The following RGS7 variants were observed in gnomAD, a reference collection of about 807,000 sequenced individuals.
RGS7 encodes regulator of G-protein signaling 7.
RGS7 carries 27 observed loss-of-function variants against 81.1 expected under a neutral mutation model. The ratio of observed to expected loss-of-function variants is 0.33; its 90% CI spans 0.25 to 0.46. The LOEUF (loss-of-function observed/expected upper bound fraction) is 0.46, where lower values mean the gene tolerates loss of function less well. Ranked by LOEUF, RGS7 falls within the 20% of genes least tolerant of loss-of-function variation. The pLI, the probability that RGS7 is intolerant of heterozygous loss-of-function variation, is 1.00. For missense variants in RGS7, 396 were observed against 607.4 expected (o/e 0.65, Z 3.66); for synonymous variants, 208 against 207.7 (o/e 1.00, Z -0.01).
At chr1:241,297,624 G>A (rs914356390) in intron 2 of RGS7, among the ~76,000 whole-genome samples, 1 of 152,122 alleles carries the variant, frequency 6.6e-6, no homozygotes, top group African/African-American at 2.4e-5. Context: ...GCCAATGCTC[G>A]GAAGAATGAC....
intron 3 of RGS7, among the ~76,000 whole-genome samples, chr1:241,025,169 A>G (rs188858996): frequency 1.3e-5 from 2 of 152,330 alleles, no homozygotes; most frequent in East Asian, 3.9e-4. Flanking sequence ...AGTGCAAACA[A>G]GGAGTTGAGG....
At chr1:241,285,571 A>G (rs987567378) in intron 2 of RGS7, among the ~76,000 whole-genome samples, 2 of 152,160 alleles carry the variant, frequency 1.3e-5, no homozygotes, top group African/African-American at 2.4e-5. Context: ...TAAGGTCTCA[A>G]TTTTACATTT....
chr1:241,328,077 T>A (rs2081725335), intron 2 of RGS7, among the ~76,000 whole-genome samples: 1 of 152,210 alleles, frequency 6.6e-6, no homozygotes, highest in South Asian at 2.1e-4. Context: ...TTTGGAAAAT[T>A]TTTATGAAGT....
intron 2 of RGS7, among the ~76,000 whole-genome samples, chr1:241,269,643 C>A (rs1224849666): frequency 2.0e-5 from 3 of 152,046 alleles, no homozygotes; most frequent in Non-Finnish European, 4.4e-5. Context: ...AAGAAGGAGA[C>A]AAATTGAAAA....
chr1:241,138,330 G>A (rs896142036), intron 2 of RGS7, among the ~76,000 whole-genome samples: 1 of 152,086 alleles, frequency 6.6e-6, no homozygotes, highest in Admixed American at 6.6e-5. Context: ...AAATTGTGGG[G>A]GGATCTTCAG....
intron 6 of RGS7, among the ~76,000 whole-genome samples, chr1:240,907,142 C>T (rs1412771768): frequency 6.6e-6 from 1 of 152,108 alleles, no homozygotes; most frequent in Admixed American, 6.5e-5. Context: ...CTCTGACATT[C>T]CATGACTAAA....
At chr1:240,784,563 G>C (rs1684731688) in intron 18 of RGS7, among the ~76,000 whole-genome samples, 1 of 150,520 alleles carries the variant, frequency 6.6e-6, no homozygotes, top group Admixed American at 6.6e-5. Context: ...GGAGAATGGC[G>C]TGAACCCGGG....
At chr1:241,073,149 T>G (rs969047169) in intron 3 of RGS7, among the ~76,000 whole-genome samples, 2 of 152,224 alleles carry the variant, frequency 1.3e-5, no homozygotes, top group Non-Finnish European at 2.9e-5. Flanking sequence ...ATTACTGCTC[T>G]TCCATCACTT....
chr1:241,331,398 T>C (rs1484256174), intron 2 of RGS7, among the ~76,000 whole-genome samples: 1 of 152,244 alleles, frequency 6.6e-6, no homozygotes, highest in Non-Finnish European at 1.5e-5. Flanking sequence ...AGCTTTGGCA[T>C]GTTCCTTAAC....
chr1:240,811,172 C>T (rs1357981736), intron 14 of RGS7, among the ~76,000 whole-genome samples: 2 of 152,182 alleles, frequency 1.3e-5, no homozygotes, highest in Non-Finnish European at 2.9e-5. Flanking sequence ...AATTGGGCAT[C>T]AGCTTTCAAA....
chr1:241,138,189 A>C (rs1412029703), intron 2 of RGS7, among the ~76,000 whole-genome samples: 1 of 151,924 alleles, frequency 6.6e-6, no homozygotes, highest in Non-Finnish European at 1.5e-5. Context: ...AAAAAAAAAA[A>C]AAAAAGAGGA....
At chr1:241,098,561 T>C (rs2064466410) in intron 3 of RGS7, 105 bp downstream of exon 3, 8 of 779,694 alleles carry the variant, frequency 1.0e-5, no homozygotes, top group Non-Finnish European at 1.8e-5. Context: ...AGTTACTGAA[T>C]AATGGATTAG....
intron 3 of RGS7, among the ~76,000 whole-genome samples, chr1:241,094,281 TCA>T (rs2064100248): frequency 9.2e-6 from 1 of 108,834 alleles, no homozygotes; most frequent in African/African-American, 3.9e-5. Context: ...ACACACAGAG[TCA>T]CACACACACT....
intron 2 of RGS7, among the ~76,000 whole-genome samples, chr1:241,232,192 T>TTCTCTCTCTCTC (rs111426330): frequency 3.4e-5 from 5 of 149,006 alleles, no homozygotes; most frequent in Admixed American, 6.7e-5. Flanking sequence ...TATATGTCTA[T>TTCTCTCTCTCTC]TCTCTCTCTC....
At chr1:241,089,871 G>T (rs7535356) in intron 3 of RGS7, among the ~76,000 whole-genome samples, 36,508 of 151,454 alleles carry the variant, frequency 0.24, 5,905 homozygotes, top group African/African-American at 0.46. Flanking sequence ...CCGGGCGCCT[G>T]TAGTCCCAGC....
chr1:241,127,203 T>C (rs1042751164), intron 2 of RGS7, among the ~76,000 whole-genome samples: 5 of 152,006 alleles, frequency 3.3e-5, no homozygotes, highest in Non-Finnish European at 2.9e-5. Flanking sequence ...GAAATAGGAG[T>C]TATTCTGACA....
At chr1:241,355,584 A>T in intron 2 of RGS7, 115 bp downstream of exon 2, 1 of 888,374 alleles carries the variant, frequency 1.1e-6, no homozygotes, top group South Asian at 1.3e-5. Context: ...ATAATCACTG[A>T]TGATCTGGGA....
chr1:240,847,840 C>T (rs1356468375), intron 9 of RGS7, among the ~76,000 whole-genome samples: 19 of 152,020 alleles, frequency 1.2e-4, no homozygotes, highest in Admixed American at 1.2e-3. Flanking sequence ...AAACAAAATC[C>T]AATATCACAT....
intron 2 of RGS7, among the ~76,000 whole-genome samples, chr1:241,320,644 C>A (rs571309332): frequency 1.3e-5 from 2 of 152,176 alleles, no homozygotes; most frequent in Non-Finnish European, 2.9e-5. Context: ...TAAGCATTAA[C>A]TGATGGCATT....
Sources: gnomAD v4.1 joint callset for allele counts (sites outside exome capture counted in the v4.1 genomes callset) on GRCh38, gnomAD v4.1.1 for gene constraint, MANE v1.5 for transcripts, NCBI Gene and HGNC (gene_info 2026-07-23, HGNC 2026-07-21) for gene names.